Variants in UBASH3A observed in about 807,000 individuals in gnomAD.
UBASH3A encodes the protein ubiquitin-associated and SH3 domain-containing protein A.
In UBASH3A, 63 loss-of-function variants were observed where a neutral mutation model predicts 73.5. The ratio of observed to expected loss-of-function variants is 0.86; its 90% confidence interval spans 0.70 to 1.06. The LOEUF (loss-of-function observed/expected upper bound fraction) is 1.06. Among genes scored for constraint, UBASH3A ranks in the 50% least tolerant of loss-of-function variants. UBASH3A has a pLI of 0.00. For synonymous variants in UBASH3A, 363 were observed against 351.1 expected (o/e 1.03, Z -0.38); for missense variants, 860 against 859.0 (o/e 1.00, Z -0.02).
At chr21:42,446,250 A>G (rs994981303) in intron 14 of UBASH3A, among the ~76,000 whole-genome samples, 3 of 152,122 alleles carry the variant, frequency 2.0e-5, no homozygotes, top group African/African-American at 4.8e-5. Flanking sequence ...CCCTACCCCA[A>G]AATAAGCTGG....
At chr21:42,420,625 G>C (rs1034288081) in intron 7 of UBASH3A, among the ~76,000 whole-genome samples, 1 of 152,194 alleles carries the variant, frequency 6.6e-6, no homozygotes, top group Non-Finnish European at 1.5e-5. Flanking sequence ...GGCAGGAAGG[G>C]AGGAGCCTAC....
chr21:42,423,276 A>G (rs1601580386), intron 7 of UBASH3A, among the ~76,000 whole-genome samples: 1 of 152,218 alleles, frequency 6.6e-6, no homozygotes, highest in Non-Finnish European at 1.5e-5. Flanking sequence ...TGACATAGAC[A>G]TGTCCGTGGG....
In UBASH3A at chr21:42,405,421, A is replaced by C. The variant is rs559187660; in HGVS notation, c.114-887A>C. Among the ~76,000 whole-genome samples the C allele has an allele frequency of 3.3e-5, 5 of 152,240 alleles. No individual in the cohort carries two copies. The South Asian group carries it at 1.0e-3, about 32-fold the overall frequency. ...TTTTACTACTAAACGTATAGCATGG[A>C]CTTCTACTCAAAATTCCTTCCAGTT... On this transcript the variant is annotated intron_variant, in intron 1 of 14. Coordinates refer to ENST00000319294, the MANE Select transcript of UBASH3A (RefSeq NM_018961.4).
intron 6 of UBASH3A, among the ~76,000 whole-genome samples, chr21:42,417,968 C>T (rs186722126): frequency 2.9e-4 from 41 of 143,824 alleles, no homozygotes; most frequent in East Asian, 2.8e-3. Context: ...CTTCAACCTT[C>T]GCCTCCCAGG....
Position 42,446,937 on chromosome 21 carries a change from A to C in UBASH3A, c.1849-120A>C, listed in dbSNP as rs1010044553. 8.6e-5 allele frequency: 100 copies of C among 1,161,252 alleles called. No individual in the cohort carries two copies. In the African/African-American group the frequency reaches 1.4e-3, roughly 17 times the overall value. 71.9% of individuals were successfully genotyped at this position (1,161,252 alleles called of 1,614,324 possible). A position where few individuals can be genotyped will look rare whatever the true frequency, so the allele number is the denominator to read the frequency against. On this transcript the variant is annotated intron_variant, in intron 14 of 14. Coordinates refer to ENST00000319294, the MANE Select transcript of UBASH3A (RefSeq NM_018961.4). ...GGTGCCATTCAATGGTGGCAGTGCCAGCCTGGGCAGTCGCAGACCCTCCAA... is the reference window on the plus strand; with the variant it reads ...GGTGCCATTCAATGGTGGCAGTGCCCGCCTGGGCAGTCGCAGACCCTCCAA...
Position 42,413,623 on chromosome 21 carries a change from C to A in UBASH3A, c.667+100C>A. 1 of 893,288 alleles carries A rather than the reference C, an allele frequency of 1.1e-6. No individual in the cohort carries two copies. Among genetic ancestry groups the A allele is most frequent in the African/African-American group, 1.7e-5 (1 of 59,878 alleles). The allele number at this position is 893,288 out of a possible 1,614,324, so 55.3% of individuals were successfully genotyped here. A position where few individuals can be genotyped will look rare whatever the true frequency, so the allele number is the denominator to read the frequency against. On this transcript the variant is annotated intron_variant, in intron 5 of 14. Transcript: ENST00000319294. This position sits in a 1 kb window ranked among gnomAD's most constrained non-coding sequence, Gnocchi z 4.5. Reference sequence around the variant, plus strand: ...GTTTTTAAAATGCTTAGCTATATGCCAACAGCCTGGGAAAGTGCCCCAGAA... The same window carrying A: ...GTTTTTAAAATGCTTAGCTATATGCAAACAGCCTGGGAAAGTGCCCCAGAA...
intron 3 of UBASH3A, among the ~76,000 whole-genome samples, chr21:42,412,455 G>C (rs1272030150): frequency 6.6e-6 from 1 of 152,216 alleles, no homozygotes; most frequent in Non-Finnish European, 1.5e-5. Flanking sequence ...ACGCACAGGG[G>C]AGAGACTGCT....
At chr21:42,424,439 T>C (rs764560224) in intron 7 of UBASH3A, among the ~76,000 whole-genome samples, 1 of 152,200 alleles carries the variant, frequency 6.6e-6, no homozygotes, top group Non-Finnish European at 1.5e-5. Context: ...TGTTTGTCCA[T>C]TGCTTTGAAG....
chr21:42,413,160 G>A lies in UBASH3A; in HGVS notation c.491G>A (p.Ser164Asn). Residue 164 changes from serine (S) to asparagine (N), a missense_variant, in exon 4 of 15, where the codon AGC becomes AAC. Coordinates refer to ENST00000319294, the MANE Select transcript of UBASH3A (RefSeq NM_018961.4). The surrounding 1 kb of genome is among the most constrained non-coding windows in gnomAD (Gnocchi z 4.5). ...ISYLGFFVSGSPADVIREFAM... is the reference protein window; with the variant it reads ...ISYLGFFVSGNPADVIREFAM... ...TACCTCGGCTTCTTCGTCAGTGGCAGCCCCGCAGACGTCATCCGGGAATTC... is the reference window on the plus strand; with the variant it reads ...TACCTCGGCTTCTTCGTCAGTGGCAACCCCGCAGACGTCATCCGGGAATTC... 6.2e-7 allele frequency: 1 copy of A among 1,614,214 alleles called. No individual in the cohort carries two copies. Among genetic ancestry groups the A allele is most frequent in the East Asian group, 2.2e-5 (1 of 44,890 alleles).
intron 7 of UBASH3A, among the ~76,000 whole-genome samples, chr21:42,421,762 T>C (rs561014414): frequency 6.6e-6 from 1 of 152,330 alleles, no homozygotes; most frequent in South Asian, 2.1e-4. Flanking sequence ...TCTGTGTGGA[T>C]AAGACTAGCA....
intron 11 of UBASH3A, 45 bp from the exon 12 acceptor site, chr21:42,442,407 G>T: frequency 6.2e-7 from 1 of 1,601,212 alleles, no homozygotes; most frequent in Admixed American, 1.7e-5. Flanking sequence ...GCAAAGTCAG[G>T]GTGGATGTTG....
intron 11 of UBASH3A, among the ~76,000 whole-genome samples, chr21:42,441,971 A>T (rs1262260986): frequency 6.6e-6 from 1 of 152,166 alleles, no homozygotes; most frequent in Non-Finnish European, 1.5e-5. Context: ...ATTCCAGAAG[A>T]TGGCTCCTTC....
At chr21:42,417,878 C>CTTTTTTTTTTTT (rs796939696) in intron 6 of UBASH3A, among the ~76,000 whole-genome samples, 6 of 90,636 alleles carry the variant, frequency 6.6e-5, no homozygotes, top group Non-Finnish European at 1.2e-4. Context: ...TTCTTTTTTT[C>CTTTTTTTTTTTT]TTTTTTTTTT....
intron 3 of UBASH3A, among the ~76,000 whole-genome samples, chr21:42,411,514 T>C (rs1276052673): frequency 2.0e-5 from 3 of 150,894 alleles, no homozygotes; most frequent in African/African-American, 7.3e-5. Context: ...GACACACATA[T>C]AGACATACGC....
intron 14 of UBASH3A, among the ~76,000 whole-genome samples, chr21:42,445,642 C>G (rs963052756): frequency 3.3e-5 from 5 of 152,358 alleles, no homozygotes; most frequent in African/African-American, 2.4e-5. Context: ...GAAGAGCATG[C>G]CTGCCGTGGG....
At chr21:42,418,688 C>A in intron 7 of UBASH3A, 79 bp downstream of exon 7, 1 of 1,326,404 alleles carries the variant, frequency 7.5e-7, no homozygotes. Context: ...CAACAGTGTG[C>A]TTCTAGACCA....
intron 7 of UBASH3A, among the ~76,000 whole-genome samples, chr21:42,419,748 T>C (rs902616789): frequency 1.3e-5 from 2 of 152,256 alleles, no homozygotes; most frequent in Non-Finnish European, 2.9e-5. Flanking sequence ...ACGAAAGTGA[T>C]ATGGGTTCAA....
At chr21:42,441,465 CGGGGACCTGGTTGATGGAGGAGGACTT>C (rs2053741194) in intron 11 of UBASH3A, among the ~76,000 whole-genome samples, 1 of 75,030 alleles carries the variant, frequency 1.3e-5, no homozygotes, top group African/African-American at 5.0e-5. Flanking sequence ...GGGGAGGACT[CGGGGACCTGGTTGATGGAGGAGGACTT>C]GGGGGCCTGG....
intron 1 of UBASH3A, among the ~76,000 whole-genome samples, chr21:42,405,949 C>T (rs1601550814): frequency 7.7e-6 from 1 of 129,738 alleles, no homozygotes; most frequent in African/African-American, 3.0e-5. Context: ...GCCAGGGGCA[C>T]GTTCCGCAGG....
Sources: gnomAD v4.1 joint callset for allele counts (sites outside exome capture counted in the v4.1 genomes callset) on GRCh38, gnomAD v4.1.1 for gene constraint, Gnocchi (gnomAD v3.1) non-coding constraint, MANE v1.5 for transcripts, NCBI Gene and HGNC (gene_info 2026-07-23, HGNC 2026-07-21) for gene names.